The following XYLT1 variants were observed in gnomAD, a reference collection of about 807,000 sequenced individuals.
XYLT1 encodes the protein beta-D-xylosyltransferase 1.
XYLT1 carries 36 observed loss-of-function variants against 91.3 expected under a neutral mutation model. The observed-to-expected ratio is 0.39, with a 90% CI of 0.30 to 0.52. XYLT1 has a LOEUF of 0.52. XYLT1 is among the 20% of genes least tolerant of loss of function. XYLT1 has a pLI of 0.68. For synonymous variants in XYLT1, 588 were observed against 532.0 expected (o/e 1.11, Z -1.45); for missense variants, 1,242 against 1,284.5 (o/e 0.97, Z 0.51).
intron 10 of XYLT1, among the ~76,000 whole-genome samples, chr16:17,124,492 A>G (rs539513843): frequency 4.6e-5 from 7 of 152,276 alleles, no homozygotes; most frequent in African/African-American, 1.4e-4. Context: ...TGTTAATCTG[A>G]TGGGTTTTCC....
At chr16:17,128,511 C>T (rs1466339107) in intron 9 of XYLT1, among the ~76,000 whole-genome samples, 1 of 152,158 alleles carries the variant, frequency 6.6e-6, no homozygotes. Context: ...TTTCATTCGT[C>T]TCTCTCTCTG....
intron 3 of XYLT1, among the ~76,000 whole-genome samples, chr16:17,253,704 C>T (rs561035337): frequency 4.6e-5 from 7 of 152,198 alleles, no homozygotes; most frequent in South Asian, 2.1e-4. Flanking sequence ...AGCTTGTGCA[C>T]GGGACACCTG....
chr16:17,315,724 G>A (rs546997112), intron 2 of XYLT1, among the ~76,000 whole-genome samples: 22 of 152,268 alleles, frequency 1.4e-4, no homozygotes, highest in South Asian at 1.0e-3. Flanking sequence ...GTTAGAAAAC[G>A]GAAGCTCAGA....
intron 1 of XYLT1, among the ~76,000 whole-genome samples, chr16:17,388,455 A>G (rs942097566): frequency 6.6e-6 from 1 of 152,138 alleles, no homozygotes; most frequent in Non-Finnish European, 1.5e-5. Context: ...TTAAGGGAAC[A>G]AGCACGGTCT....
intron 1 of XYLT1, among the ~76,000 whole-genome samples, chr16:17,462,001 A>G (rs529509436): frequency 1.8e-4 from 27 of 152,176 alleles, no homozygotes; most frequent in Admixed American, 3.3e-4. Context: ...CCATAGTTGC[A>G]ATGTTTGTGC....
At chr16:17,351,837 G>A (rs917618732) in intron 2 of XYLT1, among the ~76,000 whole-genome samples, 3 of 151,260 alleles carry the variant, frequency 2.0e-5, no homozygotes, top group Non-Finnish European at 4.4e-5. Context: ...CCTTCACCCC[G>A]AAGTTATAAT....
chr16:17,153,176 A>G (rs1303022031), intron 6 of XYLT1, among the ~76,000 whole-genome samples: 1 of 152,206 alleles, frequency 6.6e-6, no homozygotes, highest in African/African-American at 2.4e-5. Context: ...ACTGTCCCCA[A>G]GGGCTTTTCC....
intron 3 of XYLT1, among the ~76,000 whole-genome samples, chr16:17,241,735 G>A (rs1219323134): frequency 1.3e-5 from 2 of 152,124 alleles, no homozygotes; most frequent in African/African-American, 4.8e-5. Flanking sequence ...GACTTTTAGG[G>A]GATACAGTGT....
intron 5 of XYLT1, 46 bp from the exon 6 acceptor site, chr16:17,158,955 A>G (rs972289177): frequency 3.8e-6 from 6 of 1,559,070 alleles, no homozygotes; most frequent in Non-Finnish European, 4.4e-6. Context: ...CACCGTGGGT[A>G]CTGTCTTTGT....
intron 2 of XYLT1, among the ~76,000 whole-genome samples, chr16:17,269,165 TTTTC>T (rs748864423): frequency 2.6e-4 from 39 of 152,076 alleles, no homozygotes; most frequent in East Asian, 1.2e-3. Flanking sequence ...TTGTTTTTCT[TTTTC>T]TTTCTTTCTT....
chr16:17,114,867 C>G (rs773295235), intron 11 of XYLT1, among the ~76,000 whole-genome samples: 34 of 151,750 alleles, frequency 2.2e-4, no homozygotes, highest in Non-Finnish European at 4.7e-4. Flanking sequence ...TTTTTTGAGA[C>G]AGAGTCTCGC....
intron 1 of XYLT1, among the ~76,000 whole-genome samples, chr16:17,370,402 G>A (rs758836220): frequency 1.3e-5 from 2 of 152,224 alleles, no homozygotes; most frequent in Non-Finnish European, 2.9e-5. Flanking sequence ...TGCATGCCAC[G>A]CTTGGTGGAA....
chr16:17,428,606 CT>C (rs760083971), intron 1 of XYLT1, among the ~76,000 whole-genome samples: 53 of 152,304 alleles, frequency 3.5e-4, no homozygotes, highest in African/African-American at 1.3e-3. Context: ...TCCAAAAGTG[CT>C]AAAAGCATCT....
intron 2 of XYLT1, among the ~76,000 whole-genome samples, chr16:17,356,470 G>C (rs1196396291): frequency 6.6e-6 from 1 of 152,144 alleles, no homozygotes; most frequent in African/African-American, 2.4e-5. Flanking sequence ...GCCAGAGAAT[G>C]CAAGGACAGA....
At chr16:17,270,889 G>A (rs1055872955) in intron 2 of XYLT1, among the ~76,000 whole-genome samples, 6 of 152,110 alleles carry the variant, frequency 3.9e-5, no homozygotes, top group East Asian at 3.9e-4. Flanking sequence ...CTGGCTCTCC[G>A]CAGAAAAAAT....
At chr16:17,132,956 CACA>C (rs1206681681) in intron 9 of XYLT1, among the ~76,000 whole-genome samples, 1 of 152,196 alleles carries the variant, frequency 6.6e-6, no homozygotes, top group Non-Finnish European at 1.5e-5. Context: ...CTTTACACTT[CACA>C]ACACCTTATG....
intron 1 of XYLT1, chr16:17,446,021 T>A (rs138243677): frequency 1.4e-4 from 22 of 152,104 alleles, no homozygotes; most frequent in African/African-American, 5.3e-4. Flanking sequence ...CGGTGGTCGG[T>A]CAAACAGTAG....
intron 1 of XYLT1, among the ~76,000 whole-genome samples, chr16:17,466,400 A>G (rs2036897367): frequency 6.6e-6 from 1 of 152,200 alleles, no homozygotes; most frequent in Non-Finnish European, 1.5e-5. Flanking sequence ...CTCTTATGTC[A>G]GAGATATGCC....
rs2036975094 is a variant in XYLT1 at position 17,470,588 on chromosome 16, A to AGGTCCCGGC, written c.200_208dup (p.Arg67_Asp69dup). 2 of 1,183,594 alleles carry AGGTCCCGGC rather than the reference A, an allele frequency of 1.7e-6. No individual in the cohort carries two copies. Among genetic ancestry groups the AGGTCCCGGC allele is most frequent in the Non-Finnish European group, 1.0e-6 (1 of 958,206 alleles). The allele number at this position is 1,183,594 out of a possible 1,614,324, so 73.3% of individuals were successfully genotyped here. On this transcript the variant is annotated inframe_insertion, in exon 1 of 12. Transcript: ENST00000261381. ...TCGGGCTGCAGCCGGCTCGGCGGGC[A>AGGTCCCGGC]GGTCCCGGCGCTCCCGGCGCGGGGC... is the stretch of plus-strand genomic sequence containing the variant.
Sources: allele counts gnomAD v4.1 joint callset (sites outside exome capture counted in the v4.1 genomes callset), GRCh38; gene constraint gnomAD v4.1.1; transcripts MANE v1.5; gene names NCBI Gene and HGNC (gene_info 2026-07-23, HGNC 2026-07-21).